NBEA: variants seen among roughly 807,000 people sequenced by gnomAD.
NBEA encodes the protein lysosomal-trafficking regulator 2.
Under a neutral mutation model 343.4 loss-of-function variants are expected in NBEA, and 44 were observed. The ratio of observed to expected loss-of-function variants is 0.13; its 90% CI spans 0.10 to 0.16. NBEA has a LOEUF of 0.16. NBEA is among the 10% of genes least tolerant of loss of function. NBEA has a pLI of 1.00. For missense variants in NBEA, 2,555 were observed against 3,631.3 expected (o/e 0.70, Z 7.62); for synonymous variants, 1,175 against 1,238.7 (o/e 0.95, Z 1.08).
At chr13:35,308,212 C>G (rs984013714) in intron 35 of NBEA, among the ~76,000 whole-genome samples, 8 of 151,356 alleles carry the variant, frequency 5.3e-5, no homozygotes, top group African/African-American at 1.9e-4. Context: ...AGGGTTGATA[C>G]AGAGACTGTG....
At chr13:35,283,987 GACAC>G (rs34465386) in intron 34 of NBEA, among the ~76,000 whole-genome samples, 6,440 of 140,946 alleles carry the variant, frequency 0.046, 161 homozygotes, top group South Asian at 0.082. Context: ...TGTGTACACA[GACAC>G]ACACACACAC....
At chr13:35,095,471 T>A (rs1489017663) in intron 10 of NBEA, among the ~76,000 whole-genome samples, 1 of 151,734 alleles carries the variant, frequency 6.6e-6, no homozygotes, top group Non-Finnish European at 1.5e-5. Flanking sequence ...GAGATATTAT[T>A]ATACTATTTC....
At chr13:35,594,797 C>A (rs1184770579) in intron 47 of NBEA, among the ~76,000 whole-genome samples, 1 of 151,996 alleles carries the variant, frequency 6.6e-6, no homozygotes, top group Non-Finnish European at 1.5e-5. Flanking sequence ...AAAAGGCACT[C>A]AAATATTTTG....
chr13:35,600,003 AGTTT>A (rs1248972265), intron 47 of NBEA, among the ~76,000 whole-genome samples: 8 of 152,188 alleles, frequency 5.3e-5, no homozygotes, highest in Admixed American at 1.3e-4. Flanking sequence ...TTAAGTGTAA[AGTTT>A]GTTTGAGCTC....
chr13:35,041,222 T>C, intron 2 of NBEA, 58 bp downstream of exon 2: 1 of 1,285,288 alleles, frequency 7.8e-7, no homozygotes, highest in Non-Finnish European at 1.1e-6. Context: ...TTCACATACT[T>C]CTCTTTATAT....
At chr13:35,517,001 C>T (rs2077509734) in intron 41 of NBEA, among the ~76,000 whole-genome samples, 3 of 152,176 alleles carry the variant, frequency 2.0e-5, no homozygotes, top group South Asian at 4.1e-4. Flanking sequence ...TACATACTCA[C>T]TTACTCTTGT....
chr13:35,553,141 T>C (rs1170254939), intron 43 of NBEA, among the ~76,000 whole-genome samples: 3 of 151,926 alleles, frequency 2.0e-5, no homozygotes, highest in African/African-American at 7.2e-5. Context: ...ATCCACCCAC[T>C]TAAGCCTCCC....
intron 58 of NBEA, among the ~76,000 whole-genome samples, chr13:35,670,105 T>C (rs2085539621): frequency 6.6e-6 from 1 of 152,254 alleles, no homozygotes; most frequent in African/African-American, 2.4e-5. Context: ...TAAACATATA[T>C]TGGGGATATT....
intron 46 of NBEA, chr13:35,593,010 G>A (rs1366115192): frequency 2.5e-5 from 6 of 236,962 alleles, no homozygotes; most frequent in South Asian, 7.6e-5. Context: ...TTAATTATTC[G>A]AAAGAAAAAT....
chr13:35,456,921 A>AT (rs1014216307), intron 40 of NBEA, among the ~76,000 whole-genome samples: 3 of 151,326 alleles, frequency 2.0e-5, no homozygotes, highest in Middle Eastern at 3.4e-3. Flanking sequence ...AATTGTAATA[A>AT]TTTTTTTTGT....
At chr13:35,066,931 TAAAA>T (rs1048816488) in intron 8 of NBEA, among the ~76,000 whole-genome samples, 1 of 151,998 alleles carries the variant, frequency 6.6e-6, no homozygotes, top group African/African-American at 2.4e-5. Flanking sequence ...TTTTTTCACT[TAAAA>T]AACATTTCTT....
intron 1 of NBEA, among the ~76,000 whole-genome samples, chr13:34,981,537 C>A (rs1403394866): frequency 6.6e-6 from 1 of 152,102 alleles, no homozygotes; most frequent in African/African-American, 2.4e-5. Context: ...CTTAGGATAA[C>A]CCCATGATGT....
rs1197763975 is a variant in NBEA at position 35,221,345 on chromosome 13, A to G, written c.5648+10166A>G. On this transcript the variant is annotated intron_variant, in intron 33 of 58. Coordinates refer to ENST00000379939, the MANE Select transcript of NBEA (RefSeq NM_001385012.1). ...GCGACAGAGTGAGACACTATTTCAAAAAAAAAAACAAAAAACTAAAAAAAC... is the reference window on the plus strand; with the variant it reads ...GCGACAGAGTGAGACACTATTTCAAGAAAAAAAACAAAAAACTAAAAAAAC... Among the ~76,000 whole-genome samples, 3 of 151,618 alleles carry G rather than the reference A, an allele frequency of 2.0e-5. No homozygotes were observed. In the South Asian group the frequency reaches 6.2e-4, roughly 31 times the overall value.
chr13:35,278,608 T>C (rs2034814187), intron 34 of NBEA, among the ~76,000 whole-genome samples: 1 of 152,216 alleles, frequency 6.6e-6, no homozygotes, highest in African/African-American at 2.4e-5. Context: ...AAATAGAAAT[T>C]TGATGCTTAA....
chr13:35,234,808 A>G (rs933885678), intron 34 of NBEA, among the ~76,000 whole-genome samples: 10 of 152,206 alleles, frequency 6.6e-5, no homozygotes, highest in Non-Finnish European at 1.0e-4. Context: ...ATCTAAAGCC[A>G]TATACTCCAG....
At chr13:35,374,320 C>T (rs754526755) in intron 38 of NBEA, among the ~76,000 whole-genome samples, 3 of 152,180 alleles carry the variant, frequency 2.0e-5, no homozygotes, top group Non-Finnish European at 4.4e-5. Context: ...ATATGGGCAA[C>T]ATTCATGGCA....
chr13:35,667,715 G>T (rs1469046623), intron 57 of NBEA, 145 bp downstream of exon 57: 2 of 763,270 alleles, frequency 2.6e-6, no homozygotes, highest in African/African-American at 1.8e-5. Context: ...CTTGCGGACT[G>T]GTACTTTAAA....
chr13:35,406,941 T>G (rs1432872814), intron 38 of NBEA, among the ~76,000 whole-genome samples: 2 of 151,390 alleles, frequency 1.3e-5, no homozygotes, highest in African/African-American at 4.9e-5. Context: ...GTTTATGGGT[T>G]TTTTTTTCTT....
intron 40 of NBEA, among the ~76,000 whole-genome samples, chr13:35,468,438 A>T (rs2075493523): frequency 6.6e-6 from 1 of 152,218 alleles, no homozygotes; most frequent in South Asian, 2.1e-4. Context: ...AGTGACTGCT[A>T]CATCTCTTCA....
Sources: allele counts gnomAD v4.1 joint callset (sites outside exome capture counted in the v4.1 genomes callset), GRCh38; gene constraint gnomAD v4.1.1; transcripts MANE v1.5; gene names NCBI Gene and HGNC (gene_info 2026-07-23, HGNC 2026-07-21).